HNF1B: variants seen among roughly 807,000 people sequenced by gnomAD.
The protein encoded by HNF1B is hepatocyte nuclear factor 1-beta.
Under a neutral mutation model 61.7 loss-of-function variants are expected in HNF1B, and 8 were observed. That is an observed-to-expected ratio of 0.13 (90% CI 0.08 to 0.23). HNF1B has a LOEUF of 0.23. Ranked by LOEUF, HNF1B falls within the 10% of genes least tolerant of loss-of-function variation. HNF1B has a pLI of 1.00. For missense variants in HNF1B, 562 were observed against 714.5 expected (o/e 0.79, Z 2.43); for synonymous variants, 314 against 287.7 (o/e 1.09, Z -0.93).
chr17:37,742,389 C>G (rs1195723019), intron 1 of HNF1B, among the ~76,000 whole-genome samples: 1 of 152,164 alleles, frequency 6.6e-6, no homozygotes, highest in African/African-American at 2.4e-5. Flanking sequence ...ACTAGAACTC[C>G]GGGAACTCCA....
intron 4 of HNF1B, among the ~76,000 whole-genome samples, chr17:37,715,093 G>A (rs931678081): frequency 2.0e-5 from 3 of 151,904 alleles, no homozygotes; most frequent in South Asian, 2.1e-4. Context: ...GTCACATGTC[G>A]CCCCCCTGTG....
At chr17:37,688,479 C>T (rs545506179) in intron 8 of HNF1B, among the ~76,000 whole-genome samples, 1 of 151,870 alleles carries the variant, frequency 6.6e-6, no homozygotes, top group Non-Finnish European at 1.5e-5. Context: ...GTGCTCCAAC[C>T]ATAACCCTAT....
intron 8 of HNF1B, among the ~76,000 whole-genome samples, chr17:37,694,289 C>T (rs987341535): frequency 6.6e-6 from 1 of 152,028 alleles, no homozygotes; most frequent in Non-Finnish European, 1.5e-5. Flanking sequence ...ATTAGCCAGG[C>T]GTGGTGGCCT....
intron 8 of HNF1B, among the ~76,000 whole-genome samples, chr17:37,696,659 T>C (rs1169264627): frequency 6.6e-6 from 1 of 152,228 alleles, no homozygotes; most frequent in African/African-American, 2.4e-5. Context: ...GCCTCAGATA[T>C]TTCTTTATAG....
chr17:37,687,169 T>C lies in HNF1B; in HGVS notation c.*203A>G, dbSNP rs965452647. On this transcript the variant is annotated 3_prime_UTR_variant, in exon 9 of 9. Coordinates refer to ENST00000617811, the MANE Select transcript of HNF1B (RefSeq NM_000458.4). Reference sequence around the variant, plus strand: ...CGTGGGAGAGGCATTGTGGCAATACTGCATAGAAGGGAAACTGGGCTTCGG... The same window carrying C: ...CGTGGGAGAGGCATTGTGGCAATACCGCATAGAAGGGAAACTGGGCTTCGG... The C allele has an allele frequency of 1.3e-6, 1 of 757,522 alleles. No individual in the cohort carries two copies. The highest frequency in any genetic ancestry group is 2.3e-6 in the Non-Finnish European group (1 of 441,190). The allele number at this position is 757,522 out of a possible 1,614,324, so 46.9% of individuals were successfully genotyped here.
In HNF1B at chr17:37,744,873, C is replaced by G; in HGVS notation, c.12G>C (p.Lys4Asn). The part of the protein sequence containing the change: MVS[K>N]LTSLQQELLS... Reference sequence around the variant, plus strand: ...GGAGTTCTTGCTGGAGCGACGTGAGCTTGGACACCATTTTCCAAGGACGGA... The same window carrying G: ...GGAGTTCTTGCTGGAGCGACGTGAGGTTGGACACCATTTTCCAAGGACGGA... The change falls in exon 1 of 9, where the codon AAG becomes AAC. Residue 4 changes from lysine to asparagine, a missense_variant. Physicochemically the swap from Lys to Asn is moderately conservative, Grantham distance 94. This residue lies in a region of HNF1B where 148 missense variants were observed against 147.3 expected (regional missense o/e 1.00). Transcript: ENST00000617811. The G allele has an allele frequency of 7.6e-7, 1 of 1,318,228 alleles. No homozygotes were observed. Among genetic ancestry groups the G allele is most frequent in the Non-Finnish European group, 1.0e-6 (1 of 992,018 alleles). The allele number at this position is 1,318,228 out of a possible 1,614,324, so 81.7% of individuals were successfully genotyped here.
chr17:37,729,434 C>CAAAAAA (rs5820234), intron 4 of HNF1B: 1 of 68,598 alleles, frequency 1.5e-5, no homozygotes, highest in African/African-American at 4.9e-5. Context: ...CCCTGTCTCT[C>CAAAAAA]AAAAAAAAAA....
intron 6 of HNF1B, among the ~76,000 whole-genome samples, chr17:37,702,306 A>G (rs1215153829): frequency 6.6e-6 from 1 of 152,190 alleles, no homozygotes; most frequent in Non-Finnish European, 1.5e-5. Flanking sequence ...AGTCCTCAAC[A>G]ATTGCCTACT....
At chr17:37,723,191 CA>C (rs1376440235) in intron 4 of HNF1B, among the ~76,000 whole-genome samples, 2 of 149,112 alleles carry the variant, frequency 1.3e-5, no homozygotes, top group Admixed American at 6.7e-5. Context: ...AAAAAAAATA[CA>C]AAAAATTAGC....
In HNF1B at chr17:37,744,668, G is replaced by C; in HGVS notation, c.217C>G (p.Arg73Gly). The change falls in exon 1 of 9, where the codon CGC becomes GGC. Residue 73 changes from arginine (R) to glycine (G), a missense_variant. By Grantham distance (125) the Arg-to-Gly change is moderately radical. Around this residue, in one of 6 missense-constraint regions of HNF1B, gnomAD observed 148 missense variants for 147.3 expected, o/e 1.00. Transcript: ENST00000617811. ...TCGGAGCCCTCGTCGCCGGACAAGC[G>C]GCCCTTGGCGTGGCCGTTGGTGAGA... Reference protein sequence around the residue: ...HTLTNGHAKGRLSGDEGSEDG... With the variant: ...HTLTNGHAKGGLSGDEGSEDG... 1 of 1,613,368 alleles carries C rather than the reference G, an allele frequency of 6.2e-7. No individual in the cohort carries two copies. Among genetic ancestry groups the C allele is most frequent in the Non-Finnish European group, 8.5e-7 (1 of 1,180,030 alleles).
At chr17:37,707,542 T>A (rs1293430368) in intron 5 of HNF1B, among the ~76,000 whole-genome samples, 2 of 152,234 alleles carry the variant, frequency 1.3e-5, no homozygotes, top group Non-Finnish European at 2.9e-5. Context: ...TTATGGTCTC[T>A]TCACTATGCT....
intron 1 of HNF1B, among the ~76,000 whole-genome samples, chr17:37,743,158 A>G (rs9901746): frequency 0.65 from 99,177 of 152,100 alleles, 34,361 homozygotes; most frequent in African/African-American, 0.88. Flanking sequence ...CCTGCGGCCG[A>G]GTGGGAGGGC....
intron 4 of HNF1B, among the ~76,000 whole-genome samples, chr17:37,717,582 C>T (rs2033166558): frequency 6.6e-6 from 1 of 152,204 alleles, no homozygotes; most frequent in South Asian, 2.1e-4. Flanking sequence ...CAGGGAGAGA[C>T]TGGGCCAGGC....
intron 4 of HNF1B, among the ~76,000 whole-genome samples, chr17:37,715,098 CCT>C (rs1432830450): frequency 4.6e-5 from 7 of 152,148 alleles, no homozygotes; most frequent in Non-Finnish European, 1.0e-4. Context: ...ATGTCGCCCC[CCT>C]GTGAAGCTCT....
chr17:37,728,453 C>G (rs867142580), intron 4 of HNF1B, among the ~76,000 whole-genome samples: 2 of 152,040 alleles, frequency 1.3e-5, no homozygotes, highest in Admixed American at 6.6e-5. Context: ...ACTACAGGCA[C>G]CCGCCACCAC....
intron 1 of HNF1B, among the ~76,000 whole-genome samples, chr17:37,740,161 G>A (rs1013069786): frequency 6.6e-5 from 10 of 152,036 alleles, no homozygotes; most frequent in Admixed American, 2.6e-4. Context: ...TAGAGATGGG[G>A]TTTCACCATG....
intron 8 of HNF1B, among the ~76,000 whole-genome samples, chr17:37,696,023 G>A (rs1277293567): frequency 6.6e-6 from 1 of 152,152 alleles, no homozygotes; most frequent in East Asian, 1.9e-4. Context: ...CTGGATGTGT[G>A]TCCCCTCCAA....
intron 4 of HNF1B, among the ~76,000 whole-genome samples, chr17:37,716,290 C>T (rs952120193): frequency 2.0e-4 from 30 of 152,216 alleles, no homozygotes; most frequent in African/African-American, 6.5e-4. Context: ...CTTCGCCTCC[C>T]GGGCTCAAGT....
At chr17:37,695,504 T>C (rs2032355276) in intron 8 of HNF1B, among the ~76,000 whole-genome samples, 1 of 152,200 alleles carries the variant, frequency 6.6e-6, no homozygotes, top group African/African-American at 2.4e-5. Flanking sequence ...CCTACCAGGA[T>C]ACTGCCTAAT....
Sources: gnomAD v4.1 joint callset for allele counts (sites outside exome capture counted in the v4.1 genomes callset) on GRCh38, gnomAD v4.1.1 for gene constraint, gnomAD v4.1.1 regional missense constraint, MANE v1.5 for transcripts, NCBI Gene and HGNC (gene_info 2026-07-23, HGNC 2026-07-21) for gene names.